EBF2: variants seen among roughly 807,000 people sequenced by gnomAD.
EBF2 encodes transcription factor COE2.
EBF2 carries 21 observed loss-of-function variants against 72.8 expected under a neutral mutation model. That is an observed-to-expected ratio of 0.29 (90% CI 0.20 to 0.42). EBF2 has a LOEUF of 0.42. EBF2 is among the 10% of genes least tolerant of loss of function. The probability of loss-of-function intolerance (pLI) is 1.00; values close to 1 mark genes in which losing one functional copy is unlikely to be tolerated. For synonymous variants in EBF2, 299 were observed against 274.2 expected (o/e 1.09, Z -0.89); for missense variants, 637 against 731.2 (o/e 0.87, Z 1.49).
intron 6 of EBF2, among the ~76,000 whole-genome samples, chr8:25,982,259 T>C (rs1804374636): frequency 6.6e-6 from 1 of 152,212 alleles, no homozygotes; most frequent in African/African-American, 2.4e-5. Flanking sequence ...CTTCAGACAT[T>C]TGCTAAATGG....
intron 8 of EBF2, among the ~76,000 whole-genome samples, chr8:25,889,202 T>G (rs548093357): frequency 4.6e-5 from 7 of 152,178 alleles, no homozygotes; most frequent in Non-Finnish European, 8.8e-5. Context: ...GGAATTTACT[T>G]AGATTTGTCA....
chr8:26,017,644 T>C (rs749649756), intron 6 of EBF2, among the ~76,000 whole-genome samples: 3 of 151,976 alleles, frequency 2.0e-5, no homozygotes, highest in Non-Finnish European at 4.4e-5. Flanking sequence ...AACCAAAAAA[T>C]CTCCTGTGCC....
intron 6 of EBF2, among the ~76,000 whole-genome samples, chr8:25,965,282 T>C (rs1563194553): frequency 6.6e-6 from 1 of 152,174 alleles, no homozygotes; most frequent in Non-Finnish European, 1.5e-5. Context: ...TCAAAGTACC[T>C]ATTCAGTCTA....
intron 6 of EBF2, among the ~76,000 whole-genome samples, chr8:26,018,903 A>G (rs1805157642): frequency 6.9e-6 from 1 of 145,568 alleles, no homozygotes. Flanking sequence ...CATTGTATTC[A>G]CTGGACCATC....
At chr8:25,874,102 T>C (rs1310357159) in intron 10 of EBF2, among the ~76,000 whole-genome samples, 2 of 152,210 alleles carry the variant, frequency 1.3e-5, no homozygotes, top group African/African-American at 4.8e-5. Flanking sequence ...GATGTCTGAA[T>C]TGGGTATTTT....
intron 6 of EBF2, among the ~76,000 whole-genome samples, chr8:25,985,671 A>T (rs1563200130): frequency 6.6e-6 from 1 of 152,152 alleles, no homozygotes. Context: ...GGAGAAATTG[A>T]GGTGGACAGG....
At chr8:25,871,496 G>T (rs943776102) in intron 10 of EBF2, among the ~76,000 whole-genome samples, 3 of 152,140 alleles carry the variant, frequency 2.0e-5, no homozygotes, top group Admixed American at 6.5e-5. Context: ...AAGGTAAAAG[G>T]TCATAGCCCC....
At chr8:25,898,471 T>G (rs531274145) in intron 7 of EBF2, among the ~76,000 whole-genome samples, 6 of 150,518 alleles carry the variant, frequency 4.0e-5, no homozygotes, top group African/African-American at 1.5e-4. Flanking sequence ...AAACCAGCTT[T>G]TCATGTCATT....
chr8:25,872,934 G>A (rs1332428110), intron 10 of EBF2, among the ~76,000 whole-genome samples: 3 of 152,162 alleles, frequency 2.0e-5, no homozygotes, highest in Admixed American at 1.3e-4. Flanking sequence ...TGCCACTTTA[G>A]GACGTCTCTG....
chr8:25,877,145 C>T (rs2117279429), intron 10 of EBF2, among the ~76,000 whole-genome samples: 2 of 152,270 alleles, frequency 1.3e-5, no homozygotes, highest in Middle Eastern at 6.8e-3. Context: ...GACAATTCCA[C>T]CCCTAAATAC....
chr8:25,982,091 G>A (rs1180563033), intron 6 of EBF2, among the ~76,000 whole-genome samples: 2 of 152,166 alleles, frequency 1.3e-5, no homozygotes, highest in Admixed American at 6.5e-5. Context: ...TATATATAAA[G>A]TTGACCCAAT....
At chr8:25,986,030 A>G (rs1436572461) in intron 6 of EBF2, among the ~76,000 whole-genome samples, 1 of 149,348 alleles carries the variant, frequency 6.7e-6, no homozygotes, top group Non-Finnish European at 1.5e-5. Context: ...AAAAAAGTAC[A>G]TGAGGGGTTG....
intron 6 of EBF2, among the ~76,000 whole-genome samples, chr8:25,962,823 C>T (rs1198162259): frequency 6.6e-6 from 1 of 152,164 alleles, no homozygotes. Context: ...TCCCCTACAA[C>T]AAGTTATGTC....
intron 6 of EBF2, among the ~76,000 whole-genome samples, chr8:26,018,379 G>A (rs1190162496): frequency 6.6e-6 from 1 of 151,362 alleles, no homozygotes; most frequent in African/African-American, 2.4e-5. Context: ...ACGGCCGGAC[G>A]CGGTGGCTCA....
chr8:25,852,375 G>T (rs1451422745), intron 14 of EBF2, among the ~76,000 whole-genome samples: 1 of 152,156 alleles, frequency 6.6e-6, no homozygotes, highest in Non-Finnish European at 1.5e-5. Context: ...AGAAGCCAAA[G>T]AAAAGCTGGG....
At chr8:26,031,610 AT>A (rs1467236037) in intron 6 of EBF2, 1 of 151,358 alleles carries the variant, frequency 6.6e-6, no homozygotes, top group African/African-American at 2.4e-5. Context: ...TAATTTTTGT[AT>A]TTTTAGTAAA....
rs185095216 is a variant in EBF2 at position 25,868,685 on chromosome 8, A to T, written c.1010-5888T>A. Among the ~76,000 whole-genome samples, 53 of 152,288 alleles carry T rather than the reference A, an allele frequency of 3.5e-4. 1 individual carries two copies. The highest frequency in any genetic ancestry group is 2.0e-3 in the Admixed American group (30 of 15,284). ...GAGATGGGTTTTCACCATCTTGCCC[A>T]GGCTGATCTTGAACTCCTGAGCTCA... On this transcript the variant is annotated intron_variant, in intron 10 of 15. Transcript: ENST00000520164.
chr8:26,040,536 G>C, intron 4 of EBF2, 80 bp downstream of exon 4: 2 of 1,352,712 alleles, frequency 1.5e-6, no homozygotes, highest in Non-Finnish European at 2.0e-6. Flanking sequence ...GTGGAGGAGG[G>C]GCAGGTCAGA....
At chr8:26,039,917 C>T in intron 5 of EBF2, 111 bp downstream of exon 5, 1 of 1,169,978 alleles carries the variant, frequency 8.5e-7, no homozygotes, top group Non-Finnish European at 1.3e-6. Flanking sequence ...GCGAGGCCTC[C>T]CAGCTGCGAG....
Sources: allele counts gnomAD v4.1 joint callset (sites outside exome capture counted in the v4.1 genomes callset), GRCh38; gene constraint gnomAD v4.1.1; transcripts MANE v1.5; gene names NCBI Gene and HGNC (gene_info 2026-07-23, HGNC 2026-07-21).